Variants in MTOR observed in about 807,000 individuals in gnomAD.
The protein encoded by MTOR is mechanistic target of rapamycin kinase.
In MTOR, 70 loss-of-function variants were observed where a neutral mutation model predicts 319.8. The ratio of observed to expected loss-of-function variants is 0.22; its 90% CI spans 0.18 to 0.27. The LOEUF is 0.27. Ranked by LOEUF, MTOR falls within the 10% of genes least tolerant of loss-of-function variation. The pLI is 1.00. For missense variants in MTOR, 1,890 were observed against 3,274.4 expected (o/e 0.58, Z 10.32); for synonymous variants, 1,183 against 1,211.4 (o/e 0.98, Z 0.49).
chr1:11,202,239 C>T (rs1282134129), intron 26 of MTOR, among the ~76,000 whole-genome samples: 1 of 151,960 alleles, frequency 6.6e-6, no homozygotes, highest in Non-Finnish European at 1.5e-5. Context: ...ACCATCCTGG[C>T]TAACATGGTG....
chr1:11,197,040 G>A (rs1487225831), intron 28 of MTOR, among the ~76,000 whole-genome samples: 3 of 152,120 alleles, frequency 2.0e-5, no homozygotes, highest in Admixed American at 6.6e-5. Flanking sequence ...AAGCCTGTGG[G>A]GGTTGGGGGA....
chr1:11,216,229 C>T lies in MTOR; in HGVS notation c.3036G>A (p.Leu1012=), dbSNP rs150049634. The T allele has an allele frequency of 6.2e-7, 1 of 1,613,800 alleles. No homozygotes were observed. Among genetic ancestry groups the T allele is most frequent in the Non-Finnish European group, 8.5e-7 (1 of 1,179,804 alleles). ...ACACCAACATTCCCAGCTGCTGGAA[C>T]AAAAACTGAAATGGACAAGAGGTCA... is the stretch of plus-strand genomic sequence containing the variant. The part of the protein sequence containing the change: ...RVCDGAIREF[L]FQQLGMLVSF... Residue 1012 remains leucine, a synonymous_variant, in exon 20 of 58, where the codon TTG becomes TTA. Coordinates refer to ENST00000361445, the MANE Select transcript of MTOR (RefSeq NM_004958.4).
chr1:11,119,442 G>C (rs918286035), intron 49 of MTOR, among the ~76,000 whole-genome samples: 107 of 151,870 alleles, frequency 7.0e-4, no homozygotes, highest in African/African-American at 2.4e-3. Context: ...ATGGAGGCGG[G>C]TGCCTGTAGT....
At chr1:11,253,996 T>C (rs890426703) in intron 5 of MTOR, 23 bp from the exon 6 acceptor site, 1 of 1,614,058 alleles carries the variant, frequency 6.2e-7, no homozygotes, top group Non-Finnish European at 8.5e-7. Flanking sequence ...ACAGGGTGCC[T>C]TCATTAGAGA....
intron 19 of MTOR, among the ~76,000 whole-genome samples, chr1:11,217,473 GCTCCCGGGTTCAAGC>G (rs1346479586): frequency 1.0e-4 from 15 of 150,550 alleles, no homozygotes; most frequent in African/African-American, 2.2e-4. Flanking sequence ...CTCACTGCAA[GCTCCCGGGTTCAAGC>G]CTCCCGGGTT....
intron 9 of MTOR, among the ~76,000 whole-genome samples, chr1:11,242,641 C>T (rs1446255008): frequency 6.6e-6 from 1 of 152,132 alleles, no homozygotes; most frequent in Non-Finnish European, 1.5e-5. Flanking sequence ...AGCGAAGACA[C>T]CCCAGTCTCT....
Position 11,232,588 on chromosome 1 carries a change from T to C in MTOR, c.2422-60A>G, listed in dbSNP as rs1647056314. 5 of 1,477,304 alleles carry C rather than the reference T, an allele frequency of 3.4e-6. No homozygotes were observed. In the South Asian group the frequency reaches 5.7e-5, roughly 17 times the overall value. 91.5% of individuals were successfully genotyped at this position (1,477,304 alleles called of 1,614,324 possible). ...AGAAATTCTGGCATTAGAAAGTATTTTGGAGGCCGGGCACGGTGGCTCATG... is the reference window on the plus strand; with the variant it reads ...AGAAATTCTGGCATTAGAAAGTATTCTGGAGGCCGGGCACGGTGGCTCATG... On this transcript the variant is annotated intron_variant, in intron 15 of 57. Transcript: ENST00000361445.
chr1:11,123,298 C>G (rs1642639314), intron 47 of MTOR, among the ~76,000 whole-genome samples: 1 of 151,986 alleles, frequency 6.6e-6, no homozygotes, highest in South Asian at 2.1e-4. Context: ...TCGCTGTTAC[C>G]TAGGCTCGAG....
chr1:11,132,627 T>C (rs1643216709), intron 38 of MTOR: 1 of 154,326 alleles, frequency 6.5e-6, no homozygotes, highest in Non-Finnish European at 1.4e-5. Context: ...TTCAAAAGTT[T>C]CCTGTAACAT....
chr1:11,210,538 G>GAA (rs1646277062), intron 24 of MTOR, among the ~76,000 whole-genome samples: 1 of 152,226 alleles, frequency 6.6e-6, no homozygotes. Context: ...TGCAACACAT[G>GAA]AAAATTGAGA....
Position 11,107,041 on chromosome 1 carries a change from A to G in MTOR, c.*444T>C. On this transcript the variant is annotated 3_prime_UTR_variant, in exon 58 of 58. Coordinates refer to ENST00000361445, the MANE Select transcript of MTOR (RefSeq NM_004958.4). ...AGGTCAGCATCTTCTGTGTCTTTAC[A>G]GTCTAGGATCCTAATCCATGTTCTC... 1 of 1,371,486 alleles carries G rather than the reference A, an allele frequency of 7.3e-7. No homozygotes were observed. 85.0% of individuals were successfully genotyped at this position (1,371,486 alleles called of 1,614,324 possible).
At chr1:11,189,803 T>A in intron 28 of MTOR, 1 of 1,614,168 alleles carries the variant, frequency 6.2e-7, no homozygotes, top group Non-Finnish European at 8.5e-7. Flanking sequence ...AGGGACTGGG[T>A]CAGCGTGGTC....
At chr1:11,204,477 T>C in intron 26 of MTOR, 84 bp downstream of exon 26, 1 of 1,465,568 alleles carries the variant, frequency 6.8e-7, no homozygotes, top group Admixed American at 2.3e-5. Flanking sequence ...TACCAGCCCC[T>C]TGATTATTAC....
chr1:11,157,166 C>G lies in MTOR; in HGVS notation c.4455G>C (p.Glu1485Asp), dbSNP rs1275788528. ...ELMLGRMRCL[E>D]ALGEWGQLHQ... ...AGGAAGCTCACCATTCCCCCAAGGC[C>G]TCGAGGCAGCGCATGCGGCCCAGCA... is the stretch of plus-strand genomic sequence containing the variant. Residue 1485 changes from glutamate (E) to aspartate (D), a missense_variant, in exon 30 of 58, where the codon GAG becomes GAC. Glu to Asp is a conservative substitution (Grantham distance 45, BLOSUM62 2). This residue lies in a region of MTOR where 276 missense variants were observed against 459.4 expected (regional missense o/e 0.60). Transcript: ENST00000361445. 1 of 1,610,078 alleles carries G rather than the reference C, an allele frequency of 6.2e-7. No homozygotes were observed. The highest frequency in any genetic ancestry group is 8.5e-7 in the Non-Finnish European group (1 of 1,178,206).
At chr1:11,190,630 G>T (rs1645490684) in intron 28 of MTOR, among the ~76,000 whole-genome samples, 1 of 151,996 alleles carries the variant, frequency 6.6e-6, no homozygotes, top group African/African-American at 2.4e-5. Context: ...GACTTAATAG[G>T]CCAAAAATAA....
chr1:11,193,795 C>T (rs1294711244), intron 28 of MTOR: 15 of 1,613,168 alleles, frequency 9.3e-6, no homozygotes, highest in Non-Finnish European at 1.3e-5. Flanking sequence ...GGCCAGGGGC[C>T]CCATGACTGG....
intron 28 of MTOR, among the ~76,000 whole-genome samples, chr1:11,170,621 T>C (rs1165485262): frequency 6.6e-6 from 1 of 151,734 alleles, no homozygotes; most frequent in Non-Finnish European, 1.5e-5. Context: ...ATATGGTCCC[T>C]GTATTATTAC....
intron 30 of MTOR, among the ~76,000 whole-genome samples, chr1:11,155,884 G>C (rs1644302917): frequency 6.6e-6 from 1 of 152,062 alleles, no homozygotes; most frequent in African/African-American, 2.4e-5. Context: ...GTTACTGGCT[G>C]AATGAAGGAA....
At chr1:11,192,804 A>T (rs557647265) in intron 28 of MTOR, among the ~76,000 whole-genome samples, 1 of 151,328 alleles carries the variant, frequency 6.6e-6, no homozygotes, top group South Asian at 2.1e-4. Context: ...ACCAAACACC[A>T]CAGAGCTATG....
Sources: allele counts gnomAD v4.1 joint callset (sites outside exome capture counted in the v4.1 genomes callset), GRCh38; gene constraint gnomAD v4.1.1; regional missense constraint gnomAD v4.1.1; transcripts MANE v1.5; gene names NCBI Gene and HGNC (gene_info 2026-07-23, HGNC 2026-07-21).